The following ROBO2 variants were observed in gnomAD, a reference collection of about 807,000 sequenced individuals.
ROBO2 encodes roundabout homolog 2.
In ROBO2, 53 loss-of-function variants were observed where a neutral mutation model predicts 160.8. The observed-to-expected ratio is 0.33, with a 90% confidence interval of 0.26 to 0.41. The LOEUF is 0.41. ROBO2 is among the 10% of genes least tolerant of loss of function. The pLI is 1.00. For missense variants in ROBO2, 1,577 were observed against 1,722.4 expected (o/e 0.92, Z 1.49); for synonymous variants, 664 against 611.7 (o/e 1.09, Z -1.26).
chr3:76,745,258 A>G (rs1033311965), intron 2 of ROBO2, among the ~76,000 whole-genome samples: 3 of 152,128 alleles, frequency 2.0e-5, no homozygotes, highest in African/African-American at 7.2e-5. Context: ...TAAAATAGTT[A>G]CTGAAAACTC....
At chr3:77,520,521 T>A (rs2090486002) in intron 5 of ROBO2, among the ~76,000 whole-genome samples, 1 of 151,266 alleles carries the variant, frequency 6.6e-6, no homozygotes, top group Non-Finnish European at 1.5e-5. Context: ...AATATAGGTA[T>A]CTTTTATTAA....
intron 2 of ROBO2, among the ~76,000 whole-genome samples, chr3:76,569,389 A>G (rs1431213128): frequency 1.3e-5 from 2 of 152,200 alleles, no homozygotes; most frequent in Non-Finnish European, 2.9e-5. Flanking sequence ...ATATAATTAC[A>G]TATCTTCATA....
intron 8 of ROBO2, 132 bp downstream of exon 9, chr3:77,551,121 T>A: frequency 9.9e-7 from 1 of 1,005,384 alleles, no homozygotes; most frequent in Non-Finnish European, 1.5e-6. Flanking sequence ...TGAATCCAGG[T>A]CACATTCTTT....
At chr3:76,280,537 A>G (rs1708174337) in intron 2 of ROBO2, among the ~76,000 whole-genome samples, 1 of 152,020 alleles carries the variant, frequency 6.6e-6, no homozygotes, top group Admixed American at 6.6e-5. Flanking sequence ...AGTGCAAGAA[A>G]TAAATTTCTG....
At chr3:77,380,165 C>G (rs997686467) in intron 2 of ROBO2, among the ~76,000 whole-genome samples, 1 of 152,174 alleles carries the variant, frequency 6.6e-6, no homozygotes, top group African/African-American at 2.4e-5. Flanking sequence ...AGTGAGCCAC[C>G]TGAAGTGGAA....
intron 2 of ROBO2, among the ~76,000 whole-genome samples, chr3:76,715,537 T>C (rs936276445): frequency 1.3e-5 from 2 of 152,176 alleles, no homozygotes; most frequent in African/African-American, 2.4e-5. Flanking sequence ...TTACACCTAA[T>C]AGCATTTGAA....
At chr3:76,981,550 A>T (rs1408083167) in intron 2 of ROBO2, among the ~76,000 whole-genome samples, 1 of 152,068 alleles carries the variant, frequency 6.6e-6, no homozygotes, top group Non-Finnish European at 1.5e-5. Flanking sequence ...TTCTTTGTAT[A>T]TTTTAGGTAT....
intron 6 of ROBO2, among the ~76,000 whole-genome samples, chr3:77,536,120 A>G (rs926584365): frequency 1.3e-5 from 2 of 152,202 alleles, no homozygotes; most frequent in Admixed American, 6.5e-5. Context: ...TCTGCCTGGC[A>G]AACTCGAACT....
chr3:76,989,536 A>T (rs2060556360), intron 2 of ROBO2, among the ~76,000 whole-genome samples: 1 of 152,082 alleles, frequency 6.6e-6, no homozygotes, highest in Admixed American at 6.5e-5. Flanking sequence ...ATTTGAGATG[A>T]AATATTTGTA....
chr3:76,010,656 A>AT (rs1453428640), intron 2 of ROBO2, among the ~76,000 whole-genome samples: 1 of 152,160 alleles, frequency 6.6e-6, no homozygotes, highest in Non-Finnish European at 1.5e-5. Flanking sequence ...TGTCCACATA[A>AT]TTTTTTTCTT....
intron 2 of ROBO2, among the ~76,000 whole-genome samples, chr3:76,650,910 A>G (rs2091227109): frequency 6.6e-6 from 1 of 152,216 alleles, no homozygotes; most frequent in Non-Finnish European, 1.5e-5. Flanking sequence ...AAACATGCAC[A>G]TTAACTTGAT....
chr3:77,619,774 TC>T (rs2094861821), intron 22 of ROBO2, among the ~76,000 whole-genome samples: 1 of 152,142 alleles, frequency 6.6e-6, no homozygotes, highest in Non-Finnish European at 1.5e-5. Flanking sequence ...GAGACTTTTA[TC>T]CACAGGACAT....
intron 2 of ROBO2, among the ~76,000 whole-genome samples, chr3:76,260,894 T>C (rs1706700801): frequency 6.6e-6 from 1 of 152,114 alleles, no homozygotes; most frequent in African/African-American, 2.4e-5. Context: ...AATCTCATAC[T>C]ATTTTTTTCC....
At chr3:77,130,123 C>T (rs1021858651) in intron 2 of ROBO2, among the ~76,000 whole-genome samples, 31 of 152,136 alleles carry the variant, frequency 2.0e-4, no homozygotes, top group African/African-American at 5.3e-4. Context: ...TTGAGTTCTT[C>T]GGCAACTTTT....
intron 2 of ROBO2, among the ~76,000 whole-genome samples, chr3:77,299,664 G>A (rs139275967): frequency 8.6e-4 from 131 of 152,232 alleles, no homozygotes; most frequent in African/African-American, 3.0e-3. Context: ...TCCATGATAC[G>A]TGGGGATTAT....
At chr3:77,546,612 G>C in intron 7 of ROBO2, 150 bp downstream of exon 8, 1 of 1,013,798 alleles carries the variant, frequency 9.9e-7, no homozygotes, top group Non-Finnish European at 1.5e-6. Context: ...ATAAGTAGGA[G>C]TCAGATGTTC....
intron 2 of ROBO2, among the ~76,000 whole-genome samples, chr3:77,297,844 A>C (rs1239746670): frequency 6.6e-6 from 1 of 152,190 alleles, no homozygotes; most frequent in African/African-American, 2.4e-5. Flanking sequence ...CAGACCTTGA[A>C]CATGTGTAGA....
At chr3:76,966,173 C>T (rs1052594819) in intron 2 of ROBO2, among the ~76,000 whole-genome samples, 29 of 152,124 alleles carry the variant, frequency 1.9e-4, no homozygotes, top group East Asian at 3.9e-4. Flanking sequence ...ACACCCACCT[C>T]GGCCTCCCAA....
At chr3:76,715,803 C>T (rs2093369954) in intron 2 of ROBO2, among the ~76,000 whole-genome samples, 1 of 152,084 alleles carries the variant, frequency 6.6e-6, no homozygotes, top group South Asian at 2.1e-4. Flanking sequence ...GCTTTCAATC[C>T]ACAGCCACTC....
Sources: gnomAD v4.1 joint callset for allele counts (sites outside exome capture counted in the v4.1 genomes callset) on GRCh38, gnomAD v4.1.1 for gene constraint, MANE v1.5 for transcripts, NCBI Gene and HGNC (gene_info 2026-07-23, HGNC 2026-07-21) for gene names.